Variants in AMPD1 observed in about 807,000 individuals in gnomAD.
The protein encoded by AMPD1 is AMP deaminase 1.
Under a neutral mutation model 82.9 loss-of-function variants are expected in AMPD1, and 74 were observed. The ratio of observed to expected loss-of-function variants is 0.89; its 90% CI spans 0.74 to 1.08. AMPD1 has a LOEUF of 1.08. AMPD1 is among the 50% of genes least tolerant of loss of function. The pLI is 0.00. For synonymous variants in AMPD1, 333 were observed against 320.5 expected, an observed-to-expected ratio of 1.04 and a Z score of -0.42; for missense variants, 881 against 924.5, an observed-to-expected ratio of 0.95 and a Z score of 0.61.
intron 2 of AMPD1, among the ~76,000 whole-genome samples, chr1:114,692,064 T>C (rs974736957): frequency 9.9e-5 from 15 of 152,238 alleles, no homozygotes; most frequent in Non-Finnish European, 2.2e-4. Context: ...TAACGTCAAC[T>C]TCAGAGAATT....
In AMPD1 at chr1:114,677,510, A is replaced by G; in HGVS notation, c.1229T>C (p.Val410Ala). 1 of 1,613,542 alleles carries G rather than the reference A, an allele frequency of 6.2e-7. No individual in the cohort carries two copies. Among genetic ancestry groups the G allele is most frequent in the Non-Finnish European group, 8.5e-7 (1 of 1,179,902 alleles). ...CTTGGCCTCCACCAGGTCCGCACCTACCTCCTGCAAAGCCAAGAGAGAAGT... is the reference window on the plus strand; with the variant it reads ...CTTGGCCTCCACCAGGTCCGCACCTGCCTCCTGCAAAGCCAAGAGAGAAGT... ...GEYFATIIKE[V>A]GADLVEAKYQ... Residue 410 changes from valine (V) to alanine (A), a missense_variant, in exon 10 of 16, where the codon GTA becomes GCA. By Grantham distance (64) the Val-to-Ala change is moderately conservative. Around this residue, in one of 2 missense-constraint regions of AMPD1, gnomAD observed 783 missense variants for 786.4 expected, o/e 1.00. Transcript: ENST00000520113.
intron 3 of AMPD1, 74 bp downstream of exon 3, chr1:114,688,487 T>A: frequency 6.6e-7 from 1 of 1,525,736 alleles, no homozygotes; most frequent in East Asian, 2.2e-5. Flanking sequence ...TTTGGATAAA[T>A]TGAACCATAT....
At chr1:114,694,403 G>A (rs1215606445) in intron 1 of AMPD1, among the ~76,000 whole-genome samples, 1 of 151,570 alleles carries the variant, frequency 6.6e-6, no homozygotes, top group African/African-American at 2.4e-5. Flanking sequence ...GCCAAAAGCA[G>A]GATATAAAAT....
At position 114,675,895 on chromosome 1, in the gene AMPD1, G is replaced by A. The variant is rs748808294; in HGVS notation, c.1497C>T (p.Leu499=). ...ATINPQADPE[L]SVFLKHITGF... ...TGCTTACATGCTTGAGGAAGACACT[G>A]AGTTCTGGGTCAGCCTGGGGGTTGA... Residue 499 remains leucine, a synonymous_variant, in exon 11 of 16, where the codon CTC becomes CTT. Transcript: ENST00000520113. 6.2e-7 allele frequency: 1 copy of A among 1,614,200 alleles called. No individual in the cohort carries two copies. Among genetic ancestry groups the A allele is most frequent in the Non-Finnish European group, 8.5e-7 (1 of 1,180,040 alleles).
intron 2 of AMPD1, among the ~76,000 whole-genome samples, chr1:114,690,591 C>A (rs1172391441): frequency 6.6e-6 from 1 of 152,126 alleles, no homozygotes; most frequent in African/African-American, 2.4e-5. Flanking sequence ...TAAACTCAAA[C>A]AACTGAAACC....
At chr1:114,694,979 TA>T (rs1276522777) in intron 1 of AMPD1, among the ~76,000 whole-genome samples, 2 of 152,270 alleles carry the variant, frequency 1.3e-5, no homozygotes, top group African/African-American at 4.8e-5. Context: ...TTTTATCATT[TA>T]AAAATTATAA....
chr1:114,694,182 C>T (rs1318980370), intron 1 of AMPD1, among the ~76,000 whole-genome samples: 1 of 152,004 alleles, frequency 6.6e-6, no homozygotes, highest in African/African-American at 2.4e-5. Context: ...CACCACTGCA[C>T]TCCAGCCTGG....
At chr1:114,684,543 T>A in intron 4 of AMPD1, 179 bp from the exon 5 acceptor site, 4 of 661,580 alleles carry the variant, frequency 6.0e-6, no homozygotes, top group Middle Eastern at 4.1e-4. Context: ...CCAGAGCAGG[T>A]CCTGAAGCTT....
At position 114,675,704 on chromosome 1, in the gene AMPD1, A is replaced by G; in HGVS notation, c.1516-11T>C. The G allele has an allele frequency of 6.2e-7, 1 of 1,614,146 alleles. No homozygotes were observed. Among genetic ancestry groups the G allele is most frequent in the Non-Finnish European group, 8.5e-7 (1 of 1,180,030 alleles). ...GTCAAAGCCAGTGATCTGTTAGGAAAAGTGAGCCATGCAATGGGTTCAGTC... is the reference window on the plus strand; with the variant it reads ...GTCAAAGCCAGTGATCTGTTAGGAAGAGTGAGCCATGCAATGGGTTCAGTC... On this transcript the variant is annotated splice_polypyrimidine_tract_variant and intron_variant, in intron 11 of 15. Transcript: ENST00000520113.
chr1:114,693,035 T>TA (rs1259680780), intron 2 of AMPD1, among the ~76,000 whole-genome samples: 1 of 151,210 alleles, frequency 6.6e-6, no homozygotes, highest in Non-Finnish European at 1.5e-5. Context: ...TGAGGCAAGA[T>TA]AATTAGTTGA....
chr1:114,690,041 C>T (rs1658467673), intron 2 of AMPD1, among the ~76,000 whole-genome samples: 1 of 152,148 alleles, frequency 6.6e-6, no homozygotes. Context: ...GAAACATTCC[C>T]CACAGGATGA....
In AMPD1 at chr1:114,692,346, T is replaced by C. The variant is rs368381966; in HGVS notation, c.34+1090A>G. Among the ~76,000 whole-genome samples the C allele has an allele frequency of 6.6e-5, 10 of 152,282 alleles. No homozygotes were observed. In the South Asian group the frequency reaches 2.1e-3, roughly 32 times the overall value. ...CAGTCAGCAAAAGGACAAGTCTAAT[T>C]TGAGATTGAGGGGAATATACAACCA... On this transcript the variant is annotated intron_variant, in intron 2 of 15. Transcript: ENST00000520113.
chr1:114,686,915 G>T lies in AMPD1; in HGVS notation c.216-5C>A, dbSNP rs553915536. Reference sequence around the variant, plus strand: ...CGTCCTTGGAAACGCTTTTTTCTGGGTTCGAAATTTAAAAGTAAGAGTTAA... The same window carrying T: ...CGTCCTTGGAAACGCTTTTTTCTGGTTTCGAAATTTAAAAGTAAGAGTTAA... On this transcript the variant is annotated splice_region_variant and splice_polypyrimidine_tract_variant and intron_variant, in intron 3 of 15. Coordinates refer to ENST00000520113, the MANE Select transcript of AMPD1 (RefSeq NM_000036.3). The T allele has an allele frequency of 6.2e-7, 1 of 1,614,130 alleles. No homozygotes were observed. Among genetic ancestry groups the T allele is most frequent in the Non-Finnish European group, 8.5e-7 (1 of 1,180,014 alleles).
rs771241061 is a variant in AMPD1 at position 114,675,927 on chromosome 1, C to T, written c.1465G>A (p.Ala489Thr). 7 of 1,613,928 alleles carry T rather than the reference C, an allele frequency of 4.3e-6. No individual in the cohort carries two copies. The Admixed American group carries it at 1.2e-4, about 27-fold the overall frequency. Reference sequence around the variant, plus strand: ...GGGTCAGCCTGGGGGTTGATGGTGGCCTCAAACACTGGCATGAAAATATTC... The same window carrying T: ...GGGTCAGCCTGGGGGTTGATGGTGGTCTCAAACACTGGCATGAAAATATTC... ...LENIFMPVFE[A>T]TINPQADPEL... The change falls in exon 11 of 16, where the codon GCC (alanine) becomes ACC (threonine). Residue 489 changes from alanine to threonine, a missense_variant. Coordinates refer to ENST00000520113, the MANE Select transcript of AMPD1 (RefSeq NM_000036.3).
chr1:114,684,989 AT>A (rs766093367), intron 4 of AMPD1, among the ~76,000 whole-genome samples: 5 of 152,152 alleles, frequency 3.3e-5, no homozygotes, highest in African/African-American at 7.2e-5. Context: ...GCTGCTGGAA[AT>A]TTCCCCTGCC....
In AMPD1 at chr1:114,695,541, A is replaced by G. The variant is rs1167057323; in HGVS notation, c.-70T>C. 1 of 1,614,048 alleles carries G rather than the reference A, an allele frequency of 6.2e-7. No individual in the cohort carries two copies. The highest frequency in any genetic ancestry group is 2.2e-5 in the East Asian group (1 of 44,882). On this transcript the variant is annotated 5_prime_UTR_variant, in exon 1 of 16. Transcript: ENST00000520113. ...GAGAGAGGAGACTGTGGGGTGACTG[A>G]CTGACACTATAAAATATCCTGACAT...
intron 3 of AMPD1, among the ~76,000 whole-genome samples, chr1:114,687,382 A>T (rs928750059): frequency 1.2e-4 from 19 of 152,208 alleles, no homozygotes; most frequent in Non-Finnish European, 4.4e-5. Flanking sequence ...AGTACCTGGA[A>T]CTTATAAGGT....
intron 13 of AMPD1, 71 bp downstream of exon 13, chr1:114,674,681 T>A: frequency 1.3e-6 from 2 of 1,536,132 alleles, no homozygotes; most frequent in South Asian, 1.1e-5. Flanking sequence ...CTTGTGACAG[T>A]ATGGTTGGTT....
At chr1:114,685,061 A>C (rs2101720973) in intron 4 of AMPD1, among the ~76,000 whole-genome samples, 1 of 152,290 alleles carries the variant, frequency 6.6e-6, no homozygotes, top group Middle Eastern at 3.4e-3. Flanking sequence ...GAAATCACTG[A>C]ATGTTCATTA....
Sources: allele counts gnomAD v4.1 joint callset (sites outside exome capture counted in the v4.1 genomes callset), GRCh38; gene constraint gnomAD v4.1.1; regional missense constraint gnomAD v4.1.1; transcripts MANE v1.5; gene names NCBI Gene and HGNC (gene_info 2026-07-23, HGNC 2026-07-21).